The following NRXN1 variants were observed in gnomAD, a reference collection of about 807,000 sequenced individuals.
NRXN1 encodes neurexin-1.
In NRXN1, 39 loss-of-function variants were observed where a neutral mutation model predicts 150.9. That is an observed-to-expected ratio of 0.26 (90% CI 0.20 to 0.34). The LOEUF (loss-of-function observed/expected upper bound fraction) is 0.34. Ranked by LOEUF, NRXN1 falls within the 10% of genes least tolerant of loss-of-function variation. NRXN1 has a pLI of 1.00. For synonymous variants in NRXN1, 924 were observed against 757.0 expected (o/e 1.22, Z -3.62); for missense variants, 1,815 against 1,949.9 (o/e 0.93, Z 1.30).
rs1672385001 is a variant in NRXN1 at position 49,943,604 on chromosome 2, G to GGTA, written c.4216+97_4216+99dup. 4 of 773,006 alleles carry GGTA rather than the reference G, an allele frequency of 5.2e-6. No homozygotes were observed. In the Admixed American group the frequency reaches 6.0e-5, roughly 12 times the overall value. 47.9% of individuals were successfully genotyped at this position (773,006 alleles called of 1,614,324 possible). A position where few individuals can be genotyped will look rare whatever the true frequency, so the allele number is the denominator to read the frequency against. The stretch of plus-strand genomic sequence containing the variant: ...CTCACAATCAACGATGGTATAGGAG[G>GGTA]GTAGCCTTCTATACATGAATATAAG... On this transcript the variant is annotated intron_variant, in intron 22 of 22. Coordinates refer to ENST00000401669, the MANE Select transcript of NRXN1 (RefSeq NM_001330078.2).
At chr2:50,376,386 G>A (rs907483822) in intron 17 of NRXN1, among the ~76,000 whole-genome samples, 3 of 151,406 alleles carry the variant, frequency 2.0e-5, no homozygotes, top group African/African-American at 7.3e-5. Context: ...AAAAAAGAGA[G>A]GGAAATTATA....
At position 50,971,776 on chromosome 2, in the gene NRXN1, T is replaced by A. The variant is rs547604871; in HGVS notation, c.773-45821A>T. Among the ~76,000 whole-genome samples, 54 of 152,234 alleles carry A rather than the reference T, an allele frequency of 3.5e-4. 1 individual carries two copies. The highest frequency in any genetic ancestry group is 1.2e-3 in the African/African-American group (51 of 41,554). On this transcript the variant is annotated intron_variant, in intron 2 of 22. Coordinates refer to ENST00000401669, the MANE Select transcript of NRXN1 (RefSeq NM_001330078.2). ...CTCTGTAAACATTACACAGTCAGTG[T>A]TTAAAAATTTTTTTCATTAAAAATT...
At chr2:50,920,078 C>T (rs762436052) in intron 5 of NRXN1, 5 of 292,096 alleles carry the variant, frequency 1.7e-5, no homozygotes, top group Non-Finnish European at 3.1e-5. Context: ...GAAATGGGTA[C>T]CAATGTGATT....
At position 50,387,348 on chromosome 2, in the gene NRXN1, C is replaced by T. The variant is rs2081393190; in HGVS notation, c.3364+78094G>A. ...GGTAAATTGATGAGAGATAAGAAAA[C>T]ACCTGAAAAGGTAAAATCCATTTCT... On this transcript the variant is annotated intron_variant, in intron 17 of 22. Transcript: ENST00000401669. Among the ~76,000 whole-genome samples the T allele has an allele frequency of 2.0e-5, 3 of 152,080 alleles. No homozygotes were observed. In the South Asian group the frequency reaches 6.2e-4, roughly 32 times the overall value.
At chr2:50,612,847 C>A (rs1029946282) in intron 8 of NRXN1, among the ~76,000 whole-genome samples, 1 of 152,094 alleles carries the variant, frequency 6.6e-6, no homozygotes, top group Non-Finnish European at 1.5e-5. Context: ...TATTAACCTG[C>A]GTGCGTTATT....
At chr2:50,162,233 T>C (rs1488353701) in intron 18 of NRXN1, among the ~76,000 whole-genome samples, 2 of 152,258 alleles carry the variant, frequency 1.3e-5, no homozygotes, top group East Asian at 1.9e-4. Context: ...GCGTTTTATA[T>C]AGTGTTAAGG....
intron 5 of NRXN1, among the ~76,000 whole-genome samples, chr2:50,727,198 T>C (rs1361744643): frequency 6.6e-6 from 1 of 152,204 alleles, no homozygotes; most frequent in African/African-American, 2.4e-5. Flanking sequence ...ATATAATTCC[T>C]TATTGGATTA....
intron 17 of NRXN1, among the ~76,000 whole-genome samples, chr2:50,244,946 AT>A (rs2066363547): frequency 6.6e-6 from 1 of 151,924 alleles, no homozygotes; most frequent in South Asian, 2.1e-4. Flanking sequence ...AGAAAAATCT[AT>A]GTGTGTATAT....
intron 18 of NRXN1, among the ~76,000 whole-genome samples, chr2:50,177,922 GAGAA>G (rs1269101543): frequency 6.6e-6 from 1 of 151,788 alleles, no homozygotes. Flanking sequence ...GCATGGAAGA[GAGAA>G]AGAGAGTGAC....
intron 21 of NRXN1, among the ~76,000 whole-genome samples, chr2:50,010,932 CA>C (rs1685559442): frequency 6.6e-6 from 1 of 152,132 alleles, no homozygotes; most frequent in Non-Finnish European, 1.5e-5. Context: ...AATATCTCTG[CA>C]AGGTAGCAAA....
chr2:50,124,309 G>A (rs992422052), intron 18 of NRXN1, among the ~76,000 whole-genome samples: 5 of 152,054 alleles, frequency 3.3e-5, no homozygotes, highest in Non-Finnish European at 7.4e-5. Flanking sequence ...CTAGACTCCT[G>A]GTAGTCAGGA....
chr2:50,400,523 C>T (rs2082325571), intron 17 of NRXN1, among the ~76,000 whole-genome samples: 1 of 151,936 alleles, frequency 6.6e-6, no homozygotes, highest in Non-Finnish European at 1.5e-5. Context: ...TAAATAATGC[C>T]AGAGGGTATC....
chr2:50,843,360 TC>T, intron 5 of NRXN1, among the ~76,000 whole-genome samples: 1 of 152,344 alleles, frequency 6.6e-6, no homozygotes, highest in South Asian at 2.1e-4. Flanking sequence ...AAATTCTTGC[TC>T]CTGTTGTTTA....
intron 17 of NRXN1, among the ~76,000 whole-genome samples, chr2:50,308,252 C>T (rs2074826818): frequency 6.6e-6 from 1 of 152,158 alleles, no homozygotes; most frequent in African/African-American, 2.4e-5. Flanking sequence ...ACTAATATCT[C>T]TCCATCTCCC....
chr2:50,419,725 A>T (rs2083823178), intron 17 of NRXN1, among the ~76,000 whole-genome samples: 2 of 152,088 alleles, frequency 1.3e-5, no homozygotes, highest in Admixed American at 6.6e-5. Context: ...ATCCTTTGTA[A>T]TGTAAAAACA....
intron 17 of NRXN1, among the ~76,000 whole-genome samples, chr2:50,442,371 C>T (rs1193184537): frequency 6.6e-6 from 1 of 152,198 alleles, no homozygotes; most frequent in Non-Finnish European, 1.5e-5. Flanking sequence ...AGATGCCACA[C>T]ATATCCTTAA....
intron 18 of NRXN1, among the ~76,000 whole-genome samples, chr2:50,095,370 G>C (rs1232406113): frequency 6.6e-6 from 1 of 152,130 alleles, no homozygotes; most frequent in Non-Finnish European, 1.5e-5. Flanking sequence ...GAAGATATCT[G>C]TTACTCTAGG....
At chr2:49,947,139 C>T (rs956291449) in intron 21 of NRXN1, among the ~76,000 whole-genome samples, 1 of 152,052 alleles carries the variant, frequency 6.6e-6, no homozygotes, top group African/African-American at 2.4e-5. Context: ...CCCCCCGGAC[C>T]AACATCTAGC....
chr2:50,182,227 T>A (rs985313756), intron 18 of NRXN1, among the ~76,000 whole-genome samples: 3 of 151,674 alleles, frequency 2.0e-5, no homozygotes, highest in Non-Finnish European at 1.5e-5. Flanking sequence ...AGACTCTCAA[T>A]AAATGTTAGA....
Sources: allele counts gnomAD v4.1 joint callset (sites outside exome capture counted in the v4.1 genomes callset), GRCh38; gene constraint gnomAD v4.1.1; transcripts MANE v1.5; gene names NCBI Gene and HGNC (gene_info 2026-07-23, HGNC 2026-07-21).